The following FGF13 variants were observed in gnomAD, a reference collection of about 807,000 sequenced individuals.
FGF13 encodes the protein fibroblast growth factor 13, also known as fibroblast growth factor homologous factor 2.
Under a neutral mutation model 19.5 loss-of-function variants are expected in FGF13, and 2 were observed. That is an observed-to-expected ratio of 0.10 (90% CI 0.04 to 0.32). FGF13 has a LOEUF of 0.32. FGF13 is among the 10% of genes least tolerant of loss of function. The pLI is 1.00. For synonymous variants in FGF13, 72 were observed against 76.9 expected (o/e 0.94, Z 0.33); for missense variants, 113 against 192.7 (o/e 0.59, Z 2.45).
intron 1 of FGF13, among the ~76,000 whole-genome samples, chrX:138,879,251 T>C (rs1055064789): frequency 8.9e-6 from 1 of 112,083 alleles, no homozygotes; most frequent in Non-Finnish European, 1.9e-5. Flanking sequence ...GTTCTTTCTA[T>C]ATTCTATATA....
chrX:139,026,860 C>T (rs1474952948), intron 1 of FGF13, among the ~76,000 whole-genome samples: 2 of 111,961 alleles, frequency 1.8e-5, no homozygotes, highest in East Asian at 5.7e-4. Context: ...TATAAAACTG[C>T]CAAACGCCAG....
chrX:139,018,466 T>A (rs2092163230), intron 1 of FGF13, among the ~76,000 whole-genome samples: 1 of 111,492 alleles, frequency 9.0e-6, no homozygotes, highest in African/African-American at 3.3e-5. Context: ...CTAAGTTCCA[T>A]CTGCCATAAA....
At chrX:138,985,925 T>C (rs138329633) in intron 1 of FGF13, among the ~76,000 whole-genome samples, 2,263 of 111,753 alleles carry the variant, frequency 0.02, 53 homozygotes, top group African/African-American at 0.069. Flanking sequence ...TGCTGGCATA[T>C]GTGGTCTATA....
At chrX:138,758,829 C>T (rs1569385521) in intron 3 of FGF13, among the ~76,000 whole-genome samples, 1 of 112,364 alleles carries the variant, frequency 8.9e-6, no homozygotes, top group Non-Finnish European at 1.9e-5. Context: ...TAAATAACAG[C>T]TCCACAATCA....
intron 3 of FGF13, among the ~76,000 whole-genome samples, chrX:138,770,794 C>T (rs2090539426): frequency 9.0e-6 from 1 of 111,525 alleles, no homozygotes; most frequent in Non-Finnish European, 1.9e-5. Flanking sequence ...TGCCTTCATG[C>T]AAATTATATA....
At chrX:139,062,313 G>A (rs115592076) in intron 1 of FGF13, among the ~76,000 whole-genome samples, 1 of 111,376 alleles carries the variant, frequency 9.0e-6, no homozygotes, top group Non-Finnish European at 1.9e-5. Context: ...ATTTATTAAA[G>A]ACTGTCCCTT....
intron 2 of FGF13, among the ~76,000 whole-genome samples, chrX:138,705,774 A>G (rs1355062618): frequency 8.9e-6 from 1 of 112,244 alleles, no homozygotes; most frequent in Non-Finnish European, 1.9e-5. Flanking sequence ...TTGTTTCTCT[A>G]TATCTGGTAC....
intron 3 of FGF13, among the ~76,000 whole-genome samples, chrX:138,831,306 A>G (rs1430732562): frequency 9.0e-6 from 1 of 111,060 alleles, no homozygotes; most frequent in East Asian, 2.8e-4. Flanking sequence ...CATGGGAGAA[A>G]GGCAACCTCA....
intron 3 of FGF13, among the ~76,000 whole-genome samples, chrX:138,780,639 A>G (rs1208479113): frequency 1.0e-5 from 1 of 99,590 alleles, no homozygotes; most frequent in Non-Finnish European, 2.0e-5. Context: ...TATGCACCCA[A>G]TACAGGAGCA....
At chrX:139,165,027 T>C (rs757046599) in intron 1 of FGF13, among the ~76,000 whole-genome samples, 1 of 111,610 alleles carries the variant, frequency 9.0e-6, no homozygotes, top group African/African-American at 3.3e-5. Context: ...TGGAACTTCT[T>C]AGGGATTACT....
intron 3 of FGF13, among the ~76,000 whole-genome samples, chrX:138,685,829 C>T (rs2089776519): frequency 9.1e-6 from 1 of 109,479 alleles, no homozygotes; most frequent in Non-Finnish European, 1.9e-5. Context: ...AGAGTGAGAA[C>T]ATTTATTATT....
chrX:139,089,625 C>T (rs1319297907), intron 1 of FGF13, among the ~76,000 whole-genome samples: 1 of 111,616 alleles, frequency 9.0e-6, no homozygotes, highest in Non-Finnish European at 1.9e-5. Context: ...GTTTCTTCAT[C>T]TCAACTGAAA....
chrX:139,105,328 T>C (rs1394396246), intron 1 of FGF13, among the ~76,000 whole-genome samples: 2 of 111,615 alleles, frequency 1.8e-5, no homozygotes, highest in Non-Finnish European at 3.8e-5. Context: ...CACTAACTTT[T>C]TTAATAACTC....
intron 1 of FGF13, among the ~76,000 whole-genome samples, chrX:139,098,630 A>T (rs1236938246): frequency 1.8e-5 from 2 of 111,743 alleles, no homozygotes; most frequent in Non-Finnish European, 3.8e-5. Flanking sequence ...TTAATGTCCA[A>T]ACAGAAAACC....
At chrX:138,947,375 C>A (rs1408623804) in intron 1 of FGF13, among the ~76,000 whole-genome samples, 2 of 111,735 alleles carry the variant, frequency 1.8e-5, no homozygotes, top group African/African-American at 6.5e-5. Context: ...ATATTCAATT[C>A]TTAACTCCAA....
At position 138,632,039 on chromosome X, in the gene FGF13, T is replaced by C; in HGVS notation, c.*811A>G. The C allele has an allele frequency of 9.0e-6, 1 of 111,678 alleles. No homozygotes were observed. The highest frequency in any genetic ancestry group is 1.9e-5 in the Non-Finnish European group (1 of 53,079). The allele number at this position is 111,678 out of a possible 1,213,427, so 9.2% of individuals were successfully genotyped here. A position where few individuals can be genotyped will look rare whatever the true frequency, so the allele number is the denominator to read the frequency against. ...AAGCCACAACAATAGTTTAACATGA[T>C]ACACAAATGGAATTAAGAGAAATCT... On this transcript the variant is annotated 3_prime_UTR_variant, in exon 5 of 5. Transcript: ENST00000315930.
intron 1 of FGF13, among the ~76,000 whole-genome samples, chrX:138,891,623 G>C (rs747579183): frequency 5.4e-5 from 6 of 111,404 alleles, no homozygotes; most frequent in Non-Finnish European, 1.1e-4. Context: ...TTAATTCTGC[G>C]TGTCAACTTG....
chrX:139,046,891 C>G (rs1474380306), intron 1 of FGF13, among the ~76,000 whole-genome samples: 2 of 111,919 alleles, frequency 1.8e-5, no homozygotes, highest in Non-Finnish European at 3.8e-5. Flanking sequence ...GCCCCCTCTA[C>G]TACAGTGCAC....
intron 3 of FGF13, among the ~76,000 whole-genome samples, chrX:138,751,017 T>G (rs2090394238): frequency 1.0e-5 from 1 of 99,155 alleles, no homozygotes; most frequent in African/African-American, 3.7e-5. Flanking sequence ...AAGGAGAGAG[T>G]TTCAGGAAGG....
Sources: allele counts gnomAD v4.1 joint callset (sites outside exome capture counted in the v4.1 genomes callset), GRCh38; gene constraint gnomAD v4.1.1; transcripts MANE v1.5; gene names NCBI Gene and HGNC (gene_info 2026-07-23, HGNC 2026-07-21).